ANKDD1A: variants seen among roughly 807,000 people sequenced by gnomAD.
ANKDD1A encodes ankyrin repeat and death domain-containing protein 1A.
A neutral mutation model predicts 63.5 loss-of-function variants in ANKDD1A; 59 were observed. That is an observed-to-expected ratio of 0.93 (90% CI 0.75 to 1.15). ANKDD1A has a LOEUF of 1.15. ANKDD1A is among the 50% of genes most tolerant of loss of function. The pLI is 0.00. For missense variants in ANKDD1A, 632 were observed against 656.4 expected, an observed-to-expected ratio of 0.96 and a Z score of 0.41; for synonymous variants, 266 against 263.9, an observed-to-expected ratio of 1.01 and a Z score of -0.08.
chr15:64,952,228 CCTCCTTTCTTCTT>C (rs1380874393), intron 14 of ANKDD1A, among the ~76,000 whole-genome samples: 1 of 143,408 alleles, frequency 7.0e-6, no homozygotes, highest in East Asian at 2.0e-4. Context: ...TCTTCCTTCT[CCTCCTTTCTTCTT>C]CTTATTCTTC....
intron 1 of ANKDD1A, among the ~76,000 whole-genome samples, chr15:64,914,748 A>T (rs2084957025): frequency 6.6e-6 from 1 of 152,336 alleles, no homozygotes; most frequent in Non-Finnish European, 1.5e-5. Flanking sequence ...AGCCGTCAGG[A>T]TGATGGCAGC....
chr15:64,953,918 CTCTTT>C (rs2085365813), intron 14 of ANKDD1A, among the ~76,000 whole-genome samples: 1 of 69,646 alleles, frequency 1.4e-5, no homozygotes, highest in Non-Finnish European at 2.6e-5. Context: ...CTTCTTTCTT[CTCTTT>C]TTCTTTTTTC....
chr15:64,936,935 A>C (rs968749566), intron 9 of ANKDD1A, among the ~76,000 whole-genome samples: 1 of 152,212 alleles, frequency 6.6e-6, no homozygotes, highest in African/African-American at 2.4e-5. Flanking sequence ...ATGAAGAGAC[A>C]TTTGGTAGAA....
At chr15:64,952,751 C>T (rs1460886177) in intron 14 of ANKDD1A, among the ~76,000 whole-genome samples, 4 of 80,434 alleles carry the variant, frequency 5.0e-5, no homozygotes, top group African/African-American at 1.5e-4. Context: ...CTTCTTTCCT[C>T]TTCTCCTCCT....
intron 6 of ANKDD1A, among the ~76,000 whole-genome samples, chr15:64,928,411 G>A (rs972172511): frequency 2.6e-5 from 4 of 152,268 alleles, no homozygotes; most frequent in Non-Finnish European, 4.4e-5. Context: ...GAGAGCATGA[G>A]CACCAAGAAC....
intron 1 of ANKDD1A, among the ~76,000 whole-genome samples, chr15:64,915,218 T>A (rs1295262903): frequency 6.6e-6 from 1 of 152,078 alleles, no homozygotes; most frequent in African/African-American, 2.4e-5. Flanking sequence ...GGTGGGAGAA[T>A]CGCTTGAACC....
At position 64,947,392 on chromosome 15, in the gene ANKDD1A, T is replaced by C. The variant is rs367934141; in HGVS notation, c.1162-12T>C. 34 of 1,607,202 alleles carry C rather than the reference T, an allele frequency of 2.1e-5. No individual in the cohort carries two copies. The South Asian group carries it at 3.3e-4, about 16-fold the overall frequency. On this transcript the variant is annotated splice_polypyrimidine_tract_variant and intron_variant, in intron 12 of 14. Transcript: ENST00000319580. The stretch of plus-strand genomic sequence containing the variant: ...AGGGAGAGCTTCTGCACTTTTGGGA[T>C]CTGCCCCACAGGACCACCCCAGTGA...
Position 64,953,474 on chromosome 15 carries a change from T to TTCTC in ANKDD1A, c.1483+3502_1483+3503insTCTC, listed in dbSNP as rs2085341412. Among the ~76,000 whole-genome samples, 7 of 104,404 alleles carry TTCTC rather than the reference T, an allele frequency of 6.7e-5. No individual in the cohort carries two copies. In the Admixed American group the frequency reaches 7.0e-4, roughly 10 times the overall value. The allele number at this position is 104,404 out of a possible 152,430, so 68.5% of individuals were successfully genotyped here. On this transcript the variant is annotated intron_variant, in intron 14 of 14. Coordinates refer to ENST00000319580, the MANE Select transcript of ANKDD1A (RefSeq NM_182703.6). ...TTTCTTCTCTCCTTCTTCTTCTTCC[T>TTCTC]CTTCCTTCTCCTTCTTCTTTAGTTC...
At chr15:64,921,655 G>A (rs1055753332) in intron 3 of ANKDD1A, among the ~76,000 whole-genome samples, 2 of 152,096 alleles carry the variant, frequency 1.3e-5, no homozygotes, top group Admixed American at 1.3e-4. Flanking sequence ...GATTACAGGC[G>A]TGAGCCACCA....
At chr15:64,930,782 C>G (rs1173063910) in intron 6 of ANKDD1A, 40 bp from the exon 7 acceptor site, 11 of 1,585,548 alleles carry the variant, frequency 6.9e-6, no homozygotes, top group South Asian at 1.1e-5. Flanking sequence ...TTCTGGGACT[C>G]TCTGGTCTGC....
At chr15:64,928,813 T>A (rs554704810) in intron 6 of ANKDD1A, among the ~76,000 whole-genome samples, 65 of 152,352 alleles carry the variant, frequency 4.3e-4, no homozygotes, top group Non-Finnish European at 8.7e-4. Context: ...TGCCCAGCTG[T>A]CCTGCCTCTG....
chr15:64,934,945 G>C (rs1381459425), intron 9 of ANKDD1A, among the ~76,000 whole-genome samples: 1 of 152,028 alleles, frequency 6.6e-6, no homozygotes, highest in Non-Finnish European at 1.5e-5. Context: ...CACAGACTTT[G>C]GGAGTGCAGT....
At chr15:64,937,509 A>G (rs970746544) in intron 9 of ANKDD1A, among the ~76,000 whole-genome samples, 1 of 152,062 alleles carries the variant, frequency 6.6e-6, no homozygotes, top group African/African-American at 2.4e-5. Flanking sequence ...CAGGTGGATC[A>G]TGAGGTCAGG....
Position 64,926,943 on chromosome 15 carries a change from C to T in ANKDD1A, c.514C>T (p.Leu172=), listed in dbSNP as rs147441878. Residue 172 remains leucine, a synonymous_variant, in exon 6 of 15, where the codon CTG becomes TTG. Coordinates refer to ENST00000319580, the MANE Select transcript of ANKDD1A (RefSeq NM_182703.6). The stretch of plus-strand genomic sequence containing the variant: ...TCACAGGGCAGCTGAGCACGGGCAG[C>T]TGGATGCTCTGGACTTCCTCGTGGG... ...AFHRAAEHGQ[L]DALDFLVGSG... is the part of the protein sequence containing the mutation. 3.9e-5 allele frequency: 63 copies of T among 1,614,070 alleles called. No homozygotes were observed. The highest frequency in any genetic ancestry group is 5.0e-5 in the Non-Finnish European group (59 of 1,180,046).
chr15:64,921,778 ACTC>A (rs1215657081), intron 3 of ANKDD1A, 140 bp from the exon 4 acceptor site: 1 of 625,852 alleles, frequency 1.6e-6, no homozygotes, highest in East Asian at 3.0e-5. Context: ...TGGTCTTTAA[ACTC>A]CTAAAGCTTG....
chr15:64,954,765 TC>T (rs2085397691), intron 14 of ANKDD1A, among the ~76,000 whole-genome samples: 7 of 147,982 alleles, frequency 4.7e-5, no homozygotes, highest in African/African-American at 1.8e-4. Flanking sequence ...TTTTTGTTCT[TC>T]TTTCTTCTTC....
rs922870178 is a variant in ANKDD1A at position 64,943,303 on chromosome 15, ATTAAG to A, written c.967-180_967-176del. On this transcript the variant is annotated intron_variant, in intron 10 of 14. Transcript: ENST00000319580. ...AAAAGTGTCATGTTGGGGTAAAAAA[ATTAAG>A]ATGTAAAATGTACATATAAGATGAT... 9.3e-5 allele frequency: 56 copies of A among 605,000 alleles called. No individual in the cohort carries two copies. The African/African-American group carries it at 9.4e-4, about 10-fold the overall frequency. The allele number at this position is 605,000 out of a possible 1,614,324, so 37.5% of individuals were successfully genotyped here.
In ANKDD1A at chr15:64,947,587, T is replaced by A; in HGVS notation, c.1345T>A (p.Trp449Arg). The A allele has an allele frequency of 6.2e-7, 1 of 1,613,842 alleles. No homozygotes were observed. Among genetic ancestry groups the A allele is most frequent in the South Asian group, 1.1e-5 (1 of 91,044 alleles). The change falls in exon 13 of 15, where the codon TGG becomes AGG. Residue 449 changes from tryptophan to arginine, a missense_variant. Trp to Arg is a moderately radical substitution (Grantham distance 101, BLOSUM62 -3). Coordinates refer to ENST00000319580, the MANE Select transcript of ANKDD1A (RefSeq NM_182703.6). ...ACATGTCGACGCCATCGAGCAACAG[T>A]GGACAGGTACCACCTTGCCTCTCCT... is the stretch of plus-strand genomic sequence containing the variant. ...EAHVDAIEQQWTGTRSYQEHG... is the reference protein window; with the variant it reads ...EAHVDAIEQQRTGTRSYQEHG...
chr15:64,953,338 C>T (rs2085337512), intron 14 of ANKDD1A, among the ~76,000 whole-genome samples: 1 of 147,384 alleles, frequency 6.8e-6, no homozygotes, highest in Non-Finnish European at 1.5e-5. Context: ...TCTTATTCTT[C>T]CTCTCCTTCT....
Sources: allele counts gnomAD v4.1 joint callset (sites outside exome capture counted in the v4.1 genomes callset), GRCh38; gene constraint gnomAD v4.1.1; transcripts MANE v1.5; gene names NCBI Gene and HGNC (gene_info 2026-07-23, HGNC 2026-07-21).